The following FRMD4B variants were observed in gnomAD, a reference collection of about 807,000 sequenced individuals.
FRMD4B encodes FERM domain-containing protein 4B.
FRMD4B carries 74 observed loss-of-function variants against 141.5 expected under a neutral mutation model. The ratio of observed to expected loss-of-function variants is 0.52; its 90% confidence interval spans 0.43 to 0.63. The LOEUF (loss-of-function observed/expected upper bound fraction) is 0.63. Among genes scored for constraint, FRMD4B ranks in the 30% least tolerant of loss-of-function variants. The pLI is 0.00. For missense variants in FRMD4B, 1,366 were observed against 1,253.4 expected, an observed-to-expected ratio of 1.09 and a Z score of -1.36; for synonymous variants, 506 against 467.9, an observed-to-expected ratio of 1.08 and a Z score of -1.05.
Position 69,408,668 on chromosome 3 carries a change from G to A in FRMD4B, c.-1+23966C>T, listed in dbSNP as rs182477409. On this transcript the variant is annotated intron_variant, in intron 2 of 5. Coordinates refer to the FRMD4B transcript ENST00000459638. ...GCAGGCAGGGCTTGGTAGGGGGAGT[G>A]GGGGGTGGACAATAAACAAGGGCAG... Among the ~76,000 whole-genome samples, 103 of 150,322 alleles carry A rather than the reference G, an allele frequency of 6.9e-4. 2 individuals carry two copies. The highest frequency in any genetic ancestry group is 2.4e-3 in the African/African-American group (99 of 41,430).
chr3:69,337,408 T>C (rs1418943266), intron 1 of FRMD4B, among the ~76,000 whole-genome samples: 1 of 152,216 alleles, frequency 6.6e-6, no homozygotes, highest in Non-Finnish European at 1.5e-5. Flanking sequence ...AAGGACTTCA[T>C]GTCTAAAACA....
chr3:69,431,894 A>T (rs1036130395), intron 2 of FRMD4B, among the ~76,000 whole-genome samples: 1 of 152,206 alleles, frequency 6.6e-6, no homozygotes, highest in Non-Finnish European at 1.5e-5. Flanking sequence ...TTTTACATCA[A>T]TGTCCTTCAA....
chr3:69,297,079 G>C (rs1701057721), intron 4 of FRMD4B, among the ~76,000 whole-genome samples: 1 of 152,084 alleles, frequency 6.6e-6, no homozygotes, highest in South Asian at 2.1e-4. Flanking sequence ...ATATCAATAA[G>C]TCTCACCCTT....
intron 11 of FRMD4B, among the ~76,000 whole-genome samples, chr3:69,205,390 G>A (rs568459102): frequency 4.6e-5 from 7 of 152,180 alleles, no homozygotes; most frequent in South Asian, 2.1e-4. Flanking sequence ...TTAATTTCTT[G>A]TAGAGATGGG....
chr3:69,457,668 A>C (rs1452055859), intron 1 of FRMD4B, among the ~76,000 whole-genome samples: 1 of 139,978 alleles, frequency 7.1e-6, no homozygotes, highest in Non-Finnish European at 1.6e-5. Context: ...TATATTAAAA[A>C]ATTTTTTAAA....
upstream of FRMD4B, among the ~76,000 whole-genome samples, chr3:69,387,140 C>A (rs1559842483): frequency 2.0e-5 from 3 of 152,106 alleles, no homozygotes. Flanking sequence ...TCTCTGTCTT[C>A]CTTTATTTAT....
chr3:69,251,161 C>T (rs1376621814), intron 5 of FRMD4B, among the ~76,000 whole-genome samples: 1 of 152,070 alleles, frequency 6.6e-6, no homozygotes, highest in Non-Finnish European at 1.5e-5. Flanking sequence ...CAAAAAAATT[C>T]CACGTAACTC....
intron 1 of FRMD4B, among the ~76,000 whole-genome samples, chr3:69,360,065 C>T (rs531517347): frequency 1.3e-5 from 2 of 152,118 alleles, no homozygotes; most frequent in East Asian, 1.9e-4. Flanking sequence ...GATTTCCTTC[C>T]TGTCTTTCTG....
At chr3:69,470,732 C>T (rs1705872541) in intron 1 of FRMD4B, among the ~76,000 whole-genome samples, 1 of 152,168 alleles carries the variant, frequency 6.6e-6, no homozygotes, top group Admixed American at 6.5e-5. Flanking sequence ...AAGAGAACTA[C>T]ATTCCTAGGG....
At chr3:69,214,480 C>G (rs1037579068) in intron 11 of FRMD4B, among the ~76,000 whole-genome samples, 3 of 152,070 alleles carry the variant, frequency 2.0e-5, no homozygotes, top group African/African-American at 7.2e-5. Flanking sequence ...CCAAAGGAAG[C>G]CAAGAGCAGC....
rs182090222 is a variant in FRMD4B, at chr3:69,347,595, C to T, written c.163-34078G>A. On this transcript the variant is annotated intron_variant, in intron 1 of 22. Coordinates refer to ENST00000398540, the MANE Select transcript of FRMD4B (RefSeq NM_015123.3). The stretch of plus-strand genomic sequence containing the variant: ...ACATAGTTGGAAGTAAAGCATTCCT[C>T]AGCAAATGTAAAAGAACAGAAATTA... 1.4e-4 allele frequency among the ~76,000 whole-genome samples: 22 copies of T among 152,322 alleles called. 1 individual carries two copies. The highest frequency in any genetic ancestry group is 1.3e-4 in the Non-Finnish European group (9 of 68,034).
chr3:69,232,810 C>A (rs963345429), intron 7 of FRMD4B, among the ~76,000 whole-genome samples: 1 of 151,698 alleles, frequency 6.6e-6, no homozygotes, highest in African/African-American at 2.4e-5. Flanking sequence ...AAAACTAAGA[C>A]CCTTGCTGTC....
chr3:69,273,920 GA>G (rs545199910), intron 5 of FRMD4B, among the ~76,000 whole-genome samples: 525 of 136,464 alleles, frequency 3.8e-3, no homozygotes, highest in East Asian at 0.01. Context: ...GGTAGACAAG[GA>G]AAAAAAAAAA....
intron 11 of FRMD4B, among the ~76,000 whole-genome samples, chr3:69,210,021 T>C (rs1486807806): frequency 6.6e-6 from 1 of 152,210 alleles, no homozygotes; most frequent in Admixed American, 6.5e-5. Context: ...AGGAAGACTT[T>C]TGTGCTTGTT....
chr3:69,175,287 T>C (rs997860816), intron 22 of FRMD4B, among the ~76,000 whole-genome samples: 2 of 152,160 alleles, frequency 1.3e-5, no homozygotes, highest in African/African-American at 2.4e-5. Context: ...CTTGGTACCA[T>C]GGGTGTGGAT....
intron 1 of FRMD4B, among the ~76,000 whole-genome samples, chr3:69,323,914 C>G (rs1416802224): frequency 6.6e-6 from 1 of 152,044 alleles, no homozygotes; most frequent in Non-Finnish European, 1.5e-5. Context: ...AGTTTAGGCA[C>G]TTAATGTATC....
intron 1 of FRMD4B, chr3:69,471,905 AC>A (rs1214189618): frequency 6.4e-6 from 1 of 155,106 alleles, no homozygotes; most frequent in Admixed American, 6.5e-5. Flanking sequence ...TAAGGTCCCG[AC>A]TGACTCCAAA....
intron 1 of FRMD4B, among the ~76,000 whole-genome samples, chr3:69,487,142 C>T (rs1706227988): frequency 6.6e-6 from 1 of 152,166 alleles, no homozygotes; most frequent in African/African-American, 2.4e-5. Context: ...ACTGAATCTC[C>T]ACCACCTGTA....
chr3:69,401,720 T>A (rs1350803218), intron 2 of FRMD4B, among the ~76,000 whole-genome samples: 1 of 152,090 alleles, frequency 6.6e-6, no homozygotes, highest in Admixed American at 6.6e-5. Flanking sequence ...CCAAAATTTT[T>A]ATATTTTTTG....
Sources: allele counts gnomAD v4.1 joint callset (sites outside exome capture counted in the v4.1 genomes callset), GRCh38; gene constraint gnomAD v4.1.1; transcripts MANE v1.5; gene names NCBI Gene and HGNC (gene_info 2026-07-23, HGNC 2026-07-21).